The following UGGT2 variants were observed in gnomAD, a reference collection of about 807,000 sequenced individuals.
The protein encoded by UGGT2 is UDP-glucose:glycoprotein glucosyltransferase 2.
UGGT2 carries 180 observed loss-of-function variants against 192.1 expected under a neutral mutation model. That is an observed-to-expected ratio of 0.94 (90% CI 0.83 to 1.06). UGGT2 has a LOEUF of 1.06. UGGT2 is among the 50% of genes least tolerant of loss of function. The probability of loss-of-function intolerance (pLI) is 0.00; values close to 1 mark genes in which losing one functional copy is unlikely to be tolerated. For synonymous variants in UGGT2, 580 were observed against 591.0 expected (o/e 0.98, Z 0.27); for missense variants, 1,849 against 1,795.7 (o/e 1.03, Z -0.54).
At chr13:95,875,405 G>C (rs776502639) in intron 29 of UGGT2, among the ~76,000 whole-genome samples, 33 of 151,928 alleles carry the variant, frequency 2.2e-4, no homozygotes, top group Non-Finnish European at 4.3e-4. Context: ...CTCTTTTTCA[G>C]TCATTTACAT....
chr13:95,802,624 C>T (rs1884111902), intron 38 of UGGT2, among the ~76,000 whole-genome samples: 4 of 152,150 alleles, frequency 2.6e-5, no homozygotes, highest in South Asian at 2.1e-4. Flanking sequence ...ACCGCTGAAA[C>T]GATGAGTTGG....
chr13:95,911,511 T>A (rs934344289), intron 20 of UGGT2, among the ~76,000 whole-genome samples: 9 of 152,246 alleles, frequency 5.9e-5, no homozygotes, highest in South Asian at 4.1e-4. Context: ...CCTGGACACA[T>A]ACACCCTCCC....
chr13:95,896,198 A>G (rs901221021), intron 22 of UGGT2, among the ~76,000 whole-genome samples: 2 of 152,004 alleles, frequency 1.3e-5, no homozygotes, highest in African/African-American at 4.8e-5. Context: ...CTGTAGCCAG[A>G]TTTTCTCACT....
intron 17 of UGGT2, among the ~76,000 whole-genome samples, chr13:95,930,334 C>A (rs1374540403): frequency 6.6e-6 from 1 of 152,146 alleles, no homozygotes; most frequent in African/African-American, 2.4e-5. Flanking sequence ...GCCATAAATT[C>A]TTTCCCAAGA....
chr13:95,923,235 T>C (rs550286782), intron 20 of UGGT2, among the ~76,000 whole-genome samples: 1 of 152,218 alleles, frequency 6.6e-6, no homozygotes, highest in African/African-American at 2.4e-5. Flanking sequence ...TTAAAAAAAT[T>C]TTTTTTAGAG....
At chr13:95,983,629 T>C (rs1432620281) in intron 10 of UGGT2, 175 bp downstream of exon 10, 9 of 665,782 alleles carry the variant, frequency 1.4e-5, no homozygotes, top group East Asian at 2.9e-5. Flanking sequence ...TCAGAAAAGA[T>C]TGGCTGATTA....
At chr13:95,934,059 C>T (rs1303167943) in intron 17 of UGGT2, among the ~76,000 whole-genome samples, 1 of 152,120 alleles carries the variant, frequency 6.6e-6, no homozygotes, top group Non-Finnish European at 1.5e-5. Context: ...CAGAGATCTT[C>T]GTATGTTGTT....
intron 38 of UGGT2, among the ~76,000 whole-genome samples, chr13:95,827,440 A>C (rs950181236): frequency 6.6e-6 from 1 of 152,256 alleles, no homozygotes. Context: ...ACATAAGGAA[A>C]AGAAAGCCAT....
chr13:95,963,983 G>GA (rs542536937), intron 12 of UGGT2, among the ~76,000 whole-genome samples: 3 of 151,580 alleles, frequency 2.0e-5, no homozygotes, highest in African/African-American at 7.3e-5. Flanking sequence ...TTCAGAGATA[G>GA]AAAAAAAATC....
intron 27 of UGGT2, among the ~76,000 whole-genome samples, chr13:95,879,971 C>T (rs1012902566): frequency 1.3e-5 from 2 of 151,978 alleles, no homozygotes; most frequent in African/African-American, 2.4e-5. Context: ...ACACACATGC[C>T]GTGGTGGTTT....
chr13:95,854,509 T>C (rs2140041661), intron 34 of UGGT2, 34 bp from the exon 35 acceptor site: 1 of 1,531,774 alleles, frequency 6.5e-7, no homozygotes, highest in East Asian at 2.3e-5. Context: ...TGATAAAGAC[T>C]GTAAAATAAC....
At chr13:95,945,102 A>G (rs2049821157) in intron 15 of UGGT2, among the ~76,000 whole-genome samples, 1 of 152,116 alleles carries the variant, frequency 6.6e-6, no homozygotes, top group African/African-American at 2.4e-5. Flanking sequence ...CTAGTATGCT[A>G]AAGTTTAATT....
intron 20 of UGGT2, among the ~76,000 whole-genome samples, chr13:95,903,942 C>A (rs747045891): frequency 6.6e-6 from 1 of 152,044 alleles, no homozygotes; most frequent in Non-Finnish European, 1.5e-5. Flanking sequence ...TTTTAATTTT[C>A]TTTTCTCTTA....
Position 95,853,565 on chromosome 13 carries a change from T to A in UGGT2, c.4262A>T (p.Asn1421Ile). ...TACCTGATCTAGGTTTGAAAGACTG[T>A]TTGGATCTTGACTGAGAGCTTGATA... ...SQYQALSQDP[N>I]SLSNLDQDLP... Residue 1421 changes from asparagine (N) to isoleucine (I), a missense_variant, in exon 36 of 39, where the codon AAC becomes ATC. Physicochemically the swap from Asn to Ile is moderately radical, Grantham distance 149 (BLOSUM62 -3). Transcript: ENST00000376747. The A allele has an allele frequency of 6.2e-7, 1 of 1,612,838 alleles. No individual in the cohort carries two copies. Among genetic ancestry groups the A allele is most frequent in the South Asian group, 1.1e-5 (1 of 90,884 alleles).
chr13:95,830,878 C>T (rs1301128329), intron 38 of UGGT2, among the ~76,000 whole-genome samples: 1 of 152,094 alleles, frequency 6.6e-6, no homozygotes, highest in Non-Finnish European at 1.5e-5. Flanking sequence ...GGAACCAACC[C>T]AAATGTCCAA....
At chr13:95,852,242 C>T (rs955649556) in intron 36 of UGGT2, among the ~76,000 whole-genome samples, 1 of 152,124 alleles carries the variant, frequency 6.6e-6, no homozygotes, top group Non-Finnish European at 1.5e-5. Context: ...TTATTCCCCC[C>T]ATCTTTATCC....
chr13:95,905,126 C>T (rs1032307983), intron 20 of UGGT2, among the ~76,000 whole-genome samples: 2 of 152,040 alleles, frequency 1.3e-5, no homozygotes, highest in Non-Finnish European at 2.9e-5. Context: ...GTCCTTCGCC[C>T]ACTTTGTGAT....
At chr13:95,968,457 A>G (rs1470078842) in intron 12 of UGGT2, among the ~76,000 whole-genome samples, 3 of 152,132 alleles carry the variant, frequency 2.0e-5, no homozygotes, top group East Asian at 3.9e-4. Context: ...GTAATCCCCA[A>G]TGCCGGAGGT....
At chr13:95,942,917 C>T (rs2049738907) in intron 15 of UGGT2, among the ~76,000 whole-genome samples, 1 of 152,148 alleles carries the variant, frequency 6.6e-6, no homozygotes, top group South Asian at 2.1e-4. Flanking sequence ...TCCACACTTA[C>T]ATTTTTAAGC....
Sources: gnomAD v4.1 joint callset for allele counts (sites outside exome capture counted in the v4.1 genomes callset) on GRCh38, gnomAD v4.1.1 for gene constraint, MANE v1.5 for transcripts, NCBI Gene and HGNC (gene_info 2026-07-23, HGNC 2026-07-21) for gene names.